Variants in POF1B observed in about 807,000 individuals in gnomAD.
The protein encoded by POF1B is POF1B actin binding protein, also known as protein POF1B.
Under a neutral mutation model 55.3 loss-of-function variants are expected in POF1B, and 53 were observed. The observed-to-expected ratio is 0.96, with a 90% CI of 0.77 to 1.20. The LOEUF (loss-of-function observed/expected upper bound fraction) is 1.20. Among genes scored for constraint, POF1B ranks in the 50% most tolerant of loss-of-function variants. POF1B has a pLI of 0.00. For missense variants in POF1B, 478 were observed against 420.5 expected (o/e 1.14, Z -1.20); for synonymous variants, 188 against 148.3 (o/e 1.27, Z -1.95).
intron 3 of POF1B, 124 bp downstream of exon 3, chrX:85,367,568 T>C (rs1933746378): frequency 2.1e-6 from 1 of 469,032 alleles, no homozygotes; most frequent in South Asian, 3.4e-5. Context: ...TTTCATATTT[T>C]ATGATCCTCA....
intron 2 of POF1B, among the ~76,000 whole-genome samples, chrX:85,370,693 G>T (rs1447329353): frequency 9.0e-6 from 1 of 111,616 alleles, no homozygotes; most frequent in African/African-American, 3.3e-5. Context: ...CCTTGATGTT[G>T]AAAGGTACTT....
chrX:85,375,914 A>G (rs1396216256), intron 2 of POF1B, among the ~76,000 whole-genome samples: 1 of 111,524 alleles, frequency 9.0e-6, no homozygotes, highest in Non-Finnish European at 1.9e-5. Flanking sequence ...TCCTTCTCTC[A>G]CAAAAGCATG....
At position 85,296,259 on chromosome X, in the gene POF1B, C is replaced by T. The variant is rs151125156; in HGVS notation, c.1649+7147G>A. Among the ~76,000 whole-genome samples the T allele has an allele frequency of 8.7e-3, 966 of 111,620 alleles. 19 individuals carry two copies. Among genetic ancestry groups the T allele is most frequent in the African/African-American group, 0.029 (903 of 30,731 alleles). The stretch of plus-strand genomic sequence containing the variant: ...CATTCAAGGTTAGTTAGTATCGATA[C>T]GTAAGATTTTGATCATGTCATCTTG... On this transcript the variant is annotated intron_variant, in intron 15 of 16. Coordinates refer to ENST00000262753, the MANE Select transcript of POF1B (RefSeq NM_024921.4).
chrX:85,370,457 A>C (rs759445932), intron 2 of POF1B, among the ~76,000 whole-genome samples: 30 of 112,136 alleles, frequency 2.7e-4, no homozygotes, highest in Non-Finnish European at 4.3e-4. Context: ...CAAAAATTAC[A>C]ACATTAAGAT....
chrX:85,292,462 G>A (rs778595788), intron 15 of POF1B, among the ~76,000 whole-genome samples: 1 of 111,580 alleles, frequency 9.0e-6, no homozygotes, highest in Non-Finnish European at 1.9e-5. Flanking sequence ...AACGAGCTAG[G>A]GAGGAGTCCC....
At chrX:85,340,908 A>G (rs1257661358) in intron 6 of POF1B, among the ~76,000 whole-genome samples, 1 of 111,602 alleles carries the variant, frequency 9.0e-6, no homozygotes, top group Non-Finnish European at 1.9e-5. Flanking sequence ...AAAATTAGAG[A>G]ATTATTAACA....
intron 5 of POF1B, among the ~76,000 whole-genome samples, chrX:85,350,061 T>G (rs1189909853): frequency 1.8e-5 from 2 of 110,203 alleles, no homozygotes; most frequent in Non-Finnish European, 3.8e-5. Flanking sequence ...ACTTTAAGTT[T>G]TAGGGTACAT....
chrX:85,302,900 A>G (rs1317086151), intron 15 of POF1B, among the ~76,000 whole-genome samples: 1 of 111,875 alleles, frequency 8.9e-6, no homozygotes. Context: ...ATTACTTTAT[A>G]TTTGGTTTTG....
intron 15 of POF1B, among the ~76,000 whole-genome samples, chrX:85,302,755 C>T (rs780923702): frequency 1.2e-3 from 133 of 112,029 alleles, no homozygotes; most frequent in African/African-American, 4.1e-3. Flanking sequence ...GGAATGAAGT[C>T]TTGACTCATG....
intron 2 of POF1B, among the ~76,000 whole-genome samples, chrX:85,369,084 G>T (rs1490696930): frequency 8.9e-6 from 1 of 111,847 alleles, no homozygotes; most frequent in Non-Finnish European, 1.9e-5. Flanking sequence ...TGTTGCTGTT[G>T]TTGAACTTGT....
intron 15 of POF1B, among the ~76,000 whole-genome samples, chrX:85,298,251 G>T (rs1435577768): frequency 8.9e-6 from 1 of 112,294 alleles, no homozygotes; most frequent in Non-Finnish European, 1.9e-5. Flanking sequence ...GGGAATGGGT[G>T]CCTATGGCCA....
chrX:85,357,112 C>T (rs1933518235), intron 4 of POF1B, among the ~76,000 whole-genome samples: 1 of 110,999 alleles, frequency 9.0e-6, no homozygotes, highest in Admixed American at 9.6e-5. Flanking sequence ...ACAGAGACAA[C>T]CAAGATAATC....
At position 85,304,364 on chromosome X, in the gene POF1B, G is replaced by A. The variant is rs1446980465; in HGVS notation, c.1545C>T (p.Ser515=). 8.4e-7 allele frequency: 1 copy of A among 1,189,269 alleles called. No homozygotes were observed. The highest frequency in any genetic ancestry group is 1.8e-5 in the African/African-American group (1 of 56,803). Residue 515 remains serine, a synonymous_variant, in exon 14 of 17, where the codon TCC becomes TCT. Transcript: ENST00000262753. ...ATACCTCTGACTGACGCTTTATGAG[G>A]GAATCCTTCTCTTCCAGCAAGCTTG... ...ELTSLLEEKD[S]LIKRQSEELS...
Position 85,282,375 on chromosome X carries a change from T to C in POF1B, c.1650-58A>G, listed in dbSNP as rs770031791. On this transcript the variant is annotated intron_variant, in intron 15 of 16. Transcript: ENST00000262753. Reference sequence around the variant, plus strand: ...GCATGAGAAAATAACTTTCATTCCTTTTTAGTCACTCCTAGTTTGATTGCC... The same window carrying C: ...GCATGAGAAAATAACTTTCATTCCTCTTTAGTCACTCCTAGTTTGATTGCC... 6 of 831,808 alleles carry C rather than the reference T, an allele frequency of 7.2e-6. No individual in the cohort carries two copies. In the East Asian group the frequency reaches 1.5e-4, roughly 20 times the overall value. The allele number at this position is 831,808 out of a possible 1,213,427, so 68.6% of individuals were successfully genotyped here.
At chrX:85,369,611 A>T (rs915302280) in intron 2 of POF1B, among the ~76,000 whole-genome samples, 5 of 111,618 alleles carry the variant, frequency 4.5e-5, no homozygotes, top group Admixed American at 9.6e-5. Context: ...CATTATTTTC[A>T]ATTAATAGTA....
At chrX:85,307,915 C>T (rs781323662) in intron 10 of POF1B, among the ~76,000 whole-genome samples, 1 of 111,707 alleles carries the variant, frequency 9.0e-6, no homozygotes, top group Non-Finnish European at 1.9e-5. Flanking sequence ...GATAAGTGCA[C>T]ATCCAACATT....
intron 6 of POF1B, among the ~76,000 whole-genome samples, chrX:85,338,995 T>C (rs1347375250): frequency 9.3e-6 from 1 of 107,855 alleles, no homozygotes; most frequent in African/African-American, 3.6e-5. Flanking sequence ...AAGTCAAGAT[T>C]TTATATCATG....
intron 4 of POF1B, among the ~76,000 whole-genome samples, chrX:85,358,729 A>G (rs1047190821): frequency 1.4e-4 from 15 of 110,837 alleles, no homozygotes; most frequent in Non-Finnish European, 2.7e-4. Flanking sequence ...ACAAGCTGGG[A>G]GGTGAAAGAG....
intron 4 of POF1B, among the ~76,000 whole-genome samples, chrX:85,357,939 C>T (rs933266761): frequency 9.0e-6 from 1 of 111,027 alleles, no homozygotes; most frequent in Non-Finnish European, 1.9e-5. Context: ...TCTAAATCTA[C>T]TTCTCCTCCC....
Sources: gnomAD v4.1 joint callset for allele counts (sites outside exome capture counted in the v4.1 genomes callset) on GRCh38, gnomAD v4.1.1 for gene constraint, MANE v1.5 for transcripts, NCBI Gene and HGNC (gene_info 2026-07-23, HGNC 2026-07-21) for gene names.